RNF43: variants seen among roughly 807,000 people sequenced by gnomAD.
RNF43 encodes the protein ring finger protein 43, also known as E3 ubiquitin-protein ligase RNF43.
A neutral mutation model predicts 78.4 loss-of-function variants in RNF43; 37 were observed. That is an observed-to-expected ratio of 0.47 (90% CI 0.36 to 0.62). The LOEUF (loss-of-function observed/expected upper bound fraction) is 0.62, where lower values mean the gene tolerates loss of function less well. Among genes scored for constraint, RNF43 ranks in the 20% least tolerant of loss-of-function variants. The pLI is 0.00. For missense variants in RNF43, 774 were observed against 1,007.9 expected, an observed-to-expected ratio of 0.77 and a Z score of 3.14; for synonymous variants, 347 against 395.0, an observed-to-expected ratio of 0.88 and a Z score of 1.44.
intron 2 of RNF43, among the ~76,000 whole-genome samples, chr17:58,382,480 C>T (rs1386014037): frequency 6.6e-6 from 1 of 152,186 alleles, no homozygotes; most frequent in African/African-American, 2.4e-5. Context: ...TCAAAGTCAG[C>T]TTTAGAGTAT....
At chr17:58,367,138 C>T (rs1972972700) in intron 3 of RNF43, among the ~76,000 whole-genome samples, 1 of 151,964 alleles carries the variant, frequency 6.6e-6, no homozygotes, top group East Asian at 1.9e-4. Flanking sequence ...GTAGCTGGGA[C>T]TACAGGTGCG....
At position 58,357,344 on chromosome 17, in the gene RNF43, G is replaced by T; in HGVS notation, c.2308+124C>A. On this transcript the variant is annotated intron_variant, in intron 9 of 9. Transcript: ENST00000407977. This position sits in a 1 kb window ranked among gnomAD's most constrained non-coding sequence, Gnocchi z 4.5. ...GCTGTCCCGATGGTTAAGTATTTTG[G>T]TTGTCATCTCTGCTGTATCCTTCTC... The T allele has an allele frequency of 2.4e-6, 3 of 1,250,178 alleles. No individual in the cohort carries two copies. Among genetic ancestry groups the T allele is most frequent in the Non-Finnish European group, 3.5e-6 (3 of 858,312 alleles). 77.4% of individuals were successfully genotyped at this position (1,250,178 alleles called of 1,614,324 possible). A position where few individuals can be genotyped will look rare whatever the true frequency, so the allele number is the denominator to read the frequency against.
intron 3 of RNF43, among the ~76,000 whole-genome samples, chr17:58,367,444 C>A (rs1171157434): frequency 6.6e-6 from 1 of 152,222 alleles, no homozygotes; most frequent in African/African-American, 2.4e-5. Flanking sequence ...TGCCCAGGGT[C>A]ACCAACTGAG....
At chr17:58,394,414 GA>G (rs1393722396) in intron 2 of RNF43, among the ~76,000 whole-genome samples, 4 of 152,034 alleles carry the variant, frequency 2.6e-5, no homozygotes, top group African/African-American at 9.7e-5. Context: ...GAATAATGAA[GA>G]AAAGTAAAGC....
In RNF43 at chr17:58,360,866, G is replaced by A. The variant is rs777854983; in HGVS notation, c.766C>T (p.Arg256Trp). ...RRYQASCRQA[R>W]GEWPDSGSSC... ...CTCCCTGAGTCTGGCCACTCACCCC[G>A]GGCCTGCCTGCAGCTGGCCTGGTAC... Residue 256 changes from arginine (R) to tryptophan (W), a missense_variant, in exon 7 of 10, where the codon CGG becomes TGG. Transcript: ENST00000407977. The surrounding 1 kb of genome is among the most constrained non-coding windows in gnomAD (Gnocchi z 4.3). The A allele has an allele frequency of 1.2e-5, 19 of 1,612,348 alleles. No individual in the cohort carries two copies. In the East Asian group the frequency reaches 2.7e-4, roughly 23 times the overall value.
In RNF43 at chr17:58,370,890, T is replaced by A. The variant is rs372842640; in HGVS notation, c.375+21A>T. ...AGCTGGGTGAAGCTCCGGGTGTGTGTAGGGCGAAGTGTGAGTCTACCTTGC... is the reference window on the plus strand; with the variant it reads ...AGCTGGGTGAAGCTCCGGGTGTGTGAAGGGCGAAGTGTGAGTCTACCTTGC... On this transcript the variant is annotated intron_variant, in intron 3 of 9. Coordinates refer to ENST00000407977, the MANE Select transcript of RNF43 (RefSeq NM_017763.6). 1.3e-4 allele frequency: 212 copies of A among 1,576,076 alleles called. 1 individual carries two copies. In the South Asian group the frequency reaches 2.4e-3, roughly 18 times the overall value.
chr17:58,390,735 TA>T (rs1326427260), intron 2 of RNF43, among the ~76,000 whole-genome samples: 1 of 152,248 alleles, frequency 6.6e-6, no homozygotes, highest in Non-Finnish European at 1.5e-5. Context: ...TCCCGTTTAC[TA>T]AGTGCCTAGA....
At chr17:58,409,786 T>C (rs943850921) in intron 2 of RNF43, among the ~76,000 whole-genome samples, 2 of 152,076 alleles carry the variant, frequency 1.3e-5, no homozygotes, top group African/African-American at 4.8e-5. Flanking sequence ...TTGGGGGAGC[T>C]GAAGTGGGCA....
In RNF43 at chr17:58,415,705, C is replaced by A. The variant is rs1044826043; in HGVS notation, c.-128G>T. 16 of 1,148,764 alleles carry A rather than the reference C, an allele frequency of 1.4e-5. No homozygotes were observed. The highest frequency in any genetic ancestry group is 1.8e-5 in the Non-Finnish European group (15 of 827,190). The allele number at this position is 1,148,764 out of a possible 1,614,324, so 71.2% of individuals were successfully genotyped here. A position where few individuals can be genotyped will look rare whatever the true frequency, so the allele number is the denominator to read the frequency against. On this transcript the variant is annotated 5_prime_UTR_variant, in exon 2 of 10. Transcript: ENST00000407977. Reference sequence around the variant, plus strand: ...ATGCTTCCGTTTCAGAAAGCCAAGTCGTAGTTTTGGCCCTTCCTTTCTCTA... The same window carrying A: ...ATGCTTCCGTTTCAGAAAGCCAAGTAGTAGTTTTGGCCCTTCCTTTCTCTA...
chr17:58,370,290 G>A (rs1461723877), intron 3 of RNF43, among the ~76,000 whole-genome samples: 3 of 151,806 alleles, frequency 2.0e-5, no homozygotes, highest in African/African-American at 7.3e-5. Context: ...GGATGGTCTC[G>A]ATCTCCTGAC....
intron 2 of RNF43, among the ~76,000 whole-genome samples, chr17:58,404,722 C>A (rs1973870611): frequency 1.3e-5 from 2 of 152,156 alleles, no homozygotes; most frequent in South Asian, 4.1e-4. Context: ...TATTCAAATA[C>A]TCTTCACCTT....
rs970182055 is a variant in RNF43 at position 58,405,202 on chromosome 17, C to T, written c.252+10124G>A. On this transcript the variant is annotated intron_variant, in intron 2 of 9. Transcript: ENST00000407977. ...ATGCCATTCTCCTGCCTCAGCCTCC[C>T]GAGTAGCTGGGACTACAGGTGCATG... is the stretch of plus-strand genomic sequence containing the variant. Among the ~76,000 whole-genome samples the T allele has an allele frequency of 1.5e-4, 22 of 151,446 alleles. 1 individual carries two copies. The East Asian group carries it at 2.1e-3, about 15-fold the overall frequency.
At chr17:58,362,085 C>G (rs899384812) in intron 6 of RNF43, among the ~76,000 whole-genome samples, 1 of 145,634 alleles carries the variant, frequency 6.9e-6, no homozygotes, top group Non-Finnish European at 1.5e-5. Context: ...GACTCTGTCT[C>G]AAAACAAACA....
At chr17:58,374,106 TC>T (rs767577891) in intron 2 of RNF43, among the ~76,000 whole-genome samples, 14 of 152,128 alleles carry the variant, frequency 9.2e-5, no homozygotes, top group Non-Finnish European at 1.9e-4. Flanking sequence ...TTGTTATTGT[TC>T]CCATTTTAAA....
chr17:58,409,526 C>G (rs1166108222), intron 2 of RNF43, among the ~76,000 whole-genome samples: 1 of 152,068 alleles, frequency 6.6e-6, no homozygotes, highest in East Asian at 1.9e-4. Context: ...AAACAAAAAG[C>G]AAAACCATGA....
Position 58,357,373 on chromosome 17 carries a change from T to C in RNF43, c.2308+95A>G, listed in dbSNP as rs764247009. 9.4e-6 allele frequency: 14 copies of C among 1,487,828 alleles called. No individual in the cohort carries two copies. The highest frequency in any genetic ancestry group is 3.3e-5 in the Admixed American group (2 of 59,722). The allele number at this position is 1,487,828 out of a possible 1,614,324, so 92.2% of individuals were successfully genotyped here. A position where few individuals can be genotyped will look rare whatever the true frequency, so the allele number is the denominator to read the frequency against. On this transcript the variant is annotated intron_variant, in intron 9 of 9. Coordinates refer to ENST00000407977, the MANE Select transcript of RNF43 (RefSeq NM_017763.6). This position sits in a 1 kb window ranked among gnomAD's most constrained non-coding sequence, Gnocchi z 4.5. The stretch of plus-strand genomic sequence containing the variant: ...TCATCTCTGCTGTATCCTTCTCAGC[T>C]TCCATCAACCCTTTGTTGGCTGACT...
intron 2 of RNF43, among the ~76,000 whole-genome samples, chr17:58,382,818 TG>T (rs991141804): frequency 6.6e-6 from 1 of 152,128 alleles, no homozygotes; most frequent in Non-Finnish European, 1.5e-5. Context: ...ACACAGGGCA[TG>T]GGAATGCACA....
chr17:58,394,962 T>C (rs907550550), intron 2 of RNF43: 2 of 152,134 alleles, frequency 1.3e-5, no homozygotes, highest in Non-Finnish European at 2.9e-5. Context: ...ATCCAGAGAG[T>C]TGAAACTCCA....
At chr17:58,387,969 C>G (rs1567888702) in intron 2 of RNF43, among the ~76,000 whole-genome samples, 1 of 152,008 alleles carries the variant, frequency 6.6e-6, no homozygotes, top group Non-Finnish European at 1.5e-5. Context: ...TGCATCAACT[C>G]TTCCCCCCAC....
Sources: allele counts gnomAD v4.1 joint callset (sites outside exome capture counted in the v4.1 genomes callset), GRCh38; gene constraint gnomAD v4.1.1; non-coding constraint Gnocchi (gnomAD v3.1); transcripts MANE v1.5; gene names NCBI Gene and HGNC (gene_info 2026-07-23, HGNC 2026-07-21).